Variants in DLGAP2 observed in about 807,000 individuals in gnomAD.
The protein encoded by DLGAP2 is disks large-associated protein 2.
DLGAP2 carries 26 observed loss-of-function variants against 100.3 expected under a neutral mutation model. That is an observed-to-expected ratio of 0.26 (90% CI 0.19 to 0.36). The LOEUF (loss-of-function observed/expected upper bound fraction) is 0.36. Among genes scored for constraint, DLGAP2 ranks in the 10% least tolerant of loss-of-function variants. DLGAP2 has a pLI of 1.00. For synonymous variants in DLGAP2, 886 were observed against 630.1 expected (o/e 1.41, Z -6.08); for missense variants, 1,858 against 1,453.2 (o/e 1.28, Z -4.53).
intron 2 of DLGAP2, among the ~76,000 whole-genome samples, chr8:1,109,039 G>A (rs1234392853): frequency 1.4e-5 from 2 of 140,828 alleles, no homozygotes; most frequent in Non-Finnish European, 3.1e-5. Flanking sequence ...GTGTCTATGA[G>A]GTGTGCATGT....
chr8:1,576,321 T>G (rs934658484), intron 6 of DLGAP2, among the ~76,000 whole-genome samples: 4 of 152,236 alleles, frequency 2.6e-5, no homozygotes, highest in Admixed American at 1.3e-4. Flanking sequence ...GGTTGTTTAT[T>G]TTTTTCTTGT....
chr8:976,977 T>G (rs1045195199), intron 2 of DLGAP2, among the ~76,000 whole-genome samples: 2 of 152,228 alleles, frequency 1.3e-5, no homozygotes, highest in Non-Finnish European at 2.9e-5. Context: ...GTGAAGACCA[T>G]GTTCAGAGAA....
chr8:1,230,261 T>G (rs1300796174), intron 2 of DLGAP2, among the ~76,000 whole-genome samples: 1 of 152,138 alleles, frequency 6.6e-6, no homozygotes, highest in Non-Finnish European at 1.5e-5. Flanking sequence ...TATCCTATTC[T>G]TAATAGCTAC....
chr8:761,502 G>A (rs1715632200), intron 1 of DLGAP2, among the ~76,000 whole-genome samples: 1 of 152,212 alleles, frequency 6.6e-6, no homozygotes, highest in Non-Finnish European at 1.5e-5. Context: ...ACATGGCGTT[G>A]CTTTTAAACA....
At position 1,243,967 on chromosome 8, in the gene DLGAP2, C is replaced by T. The variant is rs530953823; in HGVS notation, c.74-14884C>T. 3.9e-5 allele frequency among the ~76,000 whole-genome samples: 6 copies of T among 152,124 alleles called. No individual in the cohort carries two copies. The East Asian group carries it at 5.8e-4, about 15-fold the overall frequency. On this transcript the variant is annotated intron_variant, in intron 2 of 14. Coordinates refer to ENST00000637795, the MANE Select transcript of DLGAP2 (RefSeq NM_001346810.2). ...CATCTACCTTCCAGCTCCCAGCCTC[C>T]GCACTCCACCATAGGGATGGTGAGT...
At chr8:953,633 T>C (rs1307625452) in intron 2 of DLGAP2, among the ~76,000 whole-genome samples, 1 of 152,256 alleles carries the variant, frequency 6.6e-6, no homozygotes, top group East Asian at 1.9e-4. Context: ...CAAATCCCAA[T>C]GACTGTGGTT....
chr8:780,101 G>T, intron 1 of DLGAP2, among the ~76,000 whole-genome samples: 1 of 152,140 alleles, frequency 6.6e-6, no homozygotes, highest in East Asian at 1.9e-4. Context: ...CTAAGCCTTA[G>T]TCTAAACTTT....
At position 1,676,570 on chromosome 8, in the gene DLGAP2, G is replaced by A. The variant is rs369578407; in HGVS notation, c.2240G>A (p.Gly747Asp). 17 of 1,613,498 alleles carry A rather than the reference G, an allele frequency of 1.1e-5. No homozygotes were observed. The highest frequency in any genetic ancestry group is 6.7e-5 in the Admixed American group (4 of 59,968). ...ACAGATTCTGACACGGAGAGCCGCG[G>A]TCTGCGGGAATACCACTCTGTCGGG... ...TATDSDTESR[G>D]LREYHSVGVQ... The change falls in exon 11 of 15, where the codon GGT becomes GAT. Residue 747 changes from glycine to aspartate, a missense_variant. Transcript: ENST00000637795.
At chr8:1,474,150 G>C (rs1798873009) in intron 3 of DLGAP2, among the ~76,000 whole-genome samples, 1 of 152,046 alleles carries the variant, frequency 6.6e-6, no homozygotes. Context: ...TTCCATTCCT[G>C]AGTTACTTCC....
chr8:884,710 C>A (rs918894514), intron 1 of DLGAP2, among the ~76,000 whole-genome samples: 3 of 151,866 alleles, frequency 2.0e-5, no homozygotes, highest in African/African-American at 7.2e-5. Flanking sequence ...TTGCCCTTGC[C>A]TATGTCCTGA....
At chr8:1,280,342 A>G (rs1799791339) in intron 3 of DLGAP2, among the ~76,000 whole-genome samples, 2 of 152,180 alleles carry the variant, frequency 1.3e-5, no homozygotes, top group East Asian at 1.9e-4. Context: ...AAAGAGTTCC[A>G]TGAATATTTA....
rs577937129 is a variant in DLGAP2 at position 1,245,459 on chromosome 8, A to G, written c.74-13392A>G. Among the ~76,000 whole-genome samples, 5 of 152,376 alleles carry G rather than the reference A, an allele frequency of 3.3e-5. No individual in the cohort carries two copies. The South Asian group carries it at 1.0e-3, about 32-fold the overall frequency. ...GCATGCTGTGACACAGACGAACCTC[A>G]GAAACATTTTCTACGTGAAAGAAGC... On this transcript the variant is annotated intron_variant, in intron 2 of 14. Coordinates refer to ENST00000637795, the MANE Select transcript of DLGAP2 (RefSeq NM_001346810.2).
In DLGAP2 at chr8:1,633,016, G is replaced by A; in HGVS notation, c.1780G>A (p.Asp594Asn). 6.2e-7 allele frequency: 1 copy of A among 1,613,940 alleles called. No homozygotes were observed. The highest frequency in any genetic ancestry group is 8.5e-7 in the Non-Finnish European group (1 of 1,179,890). The change falls in exon 8 of 15, where the codon GAC becomes AAC. Residue 594 changes from aspartate (D) to asparagine (N), a missense_variant. Transcript: ENST00000637795. ...DECIPMMTPS[D>N]ITSTIRSTAA... ...ATGTATTCCCATGATGACACCCTCT[G>A]ACATCACCTCCACCATCAGGTCAAC...
At chr8:778,624 T>C (rs769879616) in intron 1 of DLGAP2, among the ~76,000 whole-genome samples, 10 of 152,186 alleles carry the variant, frequency 6.6e-5, no homozygotes, top group Non-Finnish European at 1.0e-4. Flanking sequence ...TGTACCCCTG[T>C]TGGGGGGTGC....
intron 2 of DLGAP2, among the ~76,000 whole-genome samples, chr8:1,007,289 G>T (rs1801147309): frequency 6.6e-6 from 1 of 152,210 alleles, no homozygotes; most frequent in African/African-American, 2.4e-5. Context: ...GTGATTTCCT[G>T]GAGGGGTTTG....
At chr8:1,523,622 C>T (rs1002879710) in intron 4 of DLGAP2, among the ~76,000 whole-genome samples, 2 of 152,200 alleles carry the variant, frequency 1.3e-5, no homozygotes, top group African/African-American at 4.8e-5. Flanking sequence ...TCTGGATCTG[C>T]AGGGCAGGGC....
At chr8:1,319,463 C>A (rs73170450) in intron 3 of DLGAP2, among the ~76,000 whole-genome samples, 27,554 of 152,164 alleles carry the variant, frequency 0.18, 2,748 homozygotes, top group Middle Eastern at 0.27. Context: ...AGCTCTGCAC[C>A]CTCGGAGAGA....
intron 12 of DLGAP2, among the ~76,000 whole-genome samples, chr8:1,690,182 G>A (rs1415201707): frequency 6.6e-6 from 1 of 150,390 alleles, no homozygotes; most frequent in Non-Finnish European, 1.5e-5. Context: ...ATGGTGAAAC[G>A]CTGTCTCTAC....
At chr8:1,124,045 C>G (rs1585082423) in intron 2 of DLGAP2, among the ~76,000 whole-genome samples, 1 of 152,256 alleles carries the variant, frequency 6.6e-6, no homozygotes, top group Admixed American at 6.5e-5. Flanking sequence ...TTCATTTTCC[C>G]TGTATGCAGA....
Sources: gnomAD v4.1 joint callset for allele counts (sites outside exome capture counted in the v4.1 genomes callset) on GRCh38, gnomAD v4.1.1 for gene constraint, MANE v1.5 for transcripts, NCBI Gene and HGNC (gene_info 2026-07-23, HGNC 2026-07-21) for gene names.